Variants in CPLANE1 observed in about 807,000 individuals in gnomAD.
CPLANE1 encodes ciliogenesis and planar polarity effector complex subunit 1, also known as ciliogenesis and planar polarity effector 1.
In CPLANE1, 263 loss-of-function variants were observed where a neutral mutation model predicts 362.5. The observed-to-expected ratio is 0.73, with a 90% confidence interval of 0.66 to 0.80. The LOEUF (loss-of-function observed/expected upper bound fraction) is 0.80. CPLANE1 is among the 30% of genes least tolerant of loss of function. CPLANE1 has a pLI of 0.00. For missense variants in CPLANE1, 3,461 were observed against 3,793.4 expected (o/e 0.91, Z 2.30); for synonymous variants, 1,212 against 1,302.6 (o/e 0.93, Z 1.50).
At chr5:37,099,321 C>T in the CPLANE1 span, among the ~76,000 whole-genome samples, 1 of 152,098 alleles carries the variant, frequency 6.6e-6, no homozygotes, top group African/African-American at 2.4e-5. Context: ...CGTGTTGTTC[C>T]CCCACACCCC....
chr5:37,123,277 AG>A (rs1294965630), intron 47 of CPLANE1, among the ~76,000 whole-genome samples: 1 of 152,216 alleles, frequency 6.6e-6, no homozygotes, highest in African/African-American at 2.4e-5. Flanking sequence ...GTTACATGTG[AG>A]GTTCTTTTCA....
chr5:37,176,181 T>C (rs894713025), intron 30 of CPLANE1, 195 bp from the exon 31 acceptor site: 2 of 464,840 alleles, frequency 4.3e-6, no homozygotes, highest in South Asian at 4.1e-5. Context: ...CAAAAAAATA[T>C]GTCTGGATGA....
chr5:37,205,443 T>A lies in CPLANE1; in HGVS notation c.3161A>T (p.Lys1054Met), dbSNP rs1410870241. ...RDSNFMRSKK[K>M]SLNLPLRMTP... ...CATACGGAGTGGTAGATTCAGACTC[T>A]TTTTCTTGGACCTGAAATGACATCA... The change falls in exon 18 of 53, where the codon AAG (lysine) becomes ATG (methionine). Residue 1054 changes from lysine to methionine, a missense_variant. Coordinates refer to ENST00000651892, the MANE Select transcript of CPLANE1 (RefSeq NM_001384732.1). The A allele has an allele frequency of 6.5e-7, 1 of 1,529,212 alleles. No individual in the cohort carries two copies. Among genetic ancestry groups the A allele is most frequent in the Non-Finnish European group, 8.8e-7 (1 of 1,138,320 alleles). The allele number at this position is 1,529,212 out of a possible 1,614,324, so 94.7% of individuals were successfully genotyped here. A position where few individuals can be genotyped will look rare whatever the true frequency, so the allele number is the denominator to read the frequency against.
intron 18 of CPLANE1, among the ~76,000 whole-genome samples, chr5:37,202,906 C>T: frequency 6.6e-6 from 1 of 150,862 alleles, no homozygotes; most frequent in East Asian, 1.9e-4. Context: ...ATGTCCCTAT[C>T]TATTTTGTAT....
chr5:37,212,449 A>G, intron 16 of CPLANE1: 2 of 713,484 alleles, frequency 2.8e-6, no homozygotes, highest in South Asian at 1.4e-5. Context: ...TCCTTTGTAA[A>G]TGTTTCTCTA....
intron 12 of CPLANE1, 55 bp downstream of exon 12, chr5:37,226,249 A>G: frequency 8.1e-7 from 1 of 1,227,732 alleles, no homozygotes; most frequent in Admixed American, 3.4e-5. Context: ...CAGTTTCTAA[A>G]AAAGTAAAAA....
At chr5:37,208,205 A>G (rs1791385859) in intron 16 of CPLANE1, among the ~76,000 whole-genome samples, 1 of 152,202 alleles carries the variant, frequency 6.6e-6, no homozygotes. Flanking sequence ...CTGGCTTCCC[A>G]AAGTGCTGGG....
intron 8 of CPLANE1, among the ~76,000 whole-genome samples, 186 bp downstream of exon 8, chr5:37,238,671 T>C (rs1414436070): frequency 2.0e-5 from 3 of 151,736 alleles, no homozygotes; most frequent in Non-Finnish European, 4.4e-5. Flanking sequence ...AATTTCTTTT[T>C]ATTTTTTAGT....
intron 1 of CPLANE1, among the ~76,000 whole-genome samples, chr5:37,248,260 T>G (rs1256603131): frequency 1.3e-5 from 2 of 151,922 alleles, no homozygotes; most frequent in Non-Finnish European, 2.9e-5. Flanking sequence ...CCCGAGTAGC[T>G]GGGATTACAG....
chr5:37,146,183 C>CTT (rs142641586), intron 43 of CPLANE1, among the ~76,000 whole-genome samples: 6 of 146,580 alleles, frequency 4.1e-5, no homozygotes, highest in South Asian at 2.2e-4. Context: ...AATTAAAAAG[C>CTT]TTTTTTTTTT....
chr5:37,137,252 CATA>C (rs1461569429), intron 46 of CPLANE1, among the ~76,000 whole-genome samples: 1 of 152,202 alleles, frequency 6.6e-6, no homozygotes, highest in African/African-American at 2.4e-5. Context: ...GTTGCTAAAA[CATA>C]ATAAGAATCA....
chr5:37,227,399 A>T lies in CPLANE1; in HGVS notation c.1372-7T>A. On this transcript the variant is annotated splice_polypyrimidine_tract_variant and splice_region_variant and intron_variant, in intron 10 of 52. Coordinates refer to ENST00000651892, the MANE Select transcript of CPLANE1 (RefSeq NM_001384732.1). ...TCAGTCCTTTGCCTTTTGGCTAAAG[A>T]AGAAAAGATGAAAGATTTCCAAGAG... The T allele has an allele frequency of 6.6e-7, 1 of 1,517,846 alleles. No homozygotes were observed. Among genetic ancestry groups the T allele is most frequent in the Non-Finnish European group, 8.8e-7 (1 of 1,133,562 alleles). The allele number at this position is 1,517,846 out of a possible 1,614,324, so 94.0% of individuals were successfully genotyped here.
chr5:37,104,343 A>G (rs1431148602), downstream of CPLANE1, among the ~76,000 whole-genome samples: 2 of 152,174 alleles, frequency 1.3e-5, no homozygotes, highest in African/African-American at 4.8e-5. Flanking sequence ...CATGCCTGTA[A>G]TCCCAGCACT....
intron 18 of CPLANE1, among the ~76,000 whole-genome samples, chr5:37,202,320 G>C (rs559837485): frequency 6.6e-6 from 1 of 151,892 alleles, no homozygotes; most frequent in South Asian, 2.1e-4. Flanking sequence ...CACTATCCAG[G>C]CTAATTTTTG....
intron 50 of CPLANE1, 55 bp from the exon 51 acceptor site, chr5:37,115,104 T>C (rs541401370): frequency 1.7e-6 from 2 of 1,150,262 alleles, no homozygotes; most frequent in Non-Finnish European, 2.6e-6. Flanking sequence ...GATTTTTATA[T>C]ATATTGTGAG....
intron 44 of CPLANE1, chr5:37,141,329 T>C (rs1373029432): frequency 1.4e-5 from 14 of 985,270 alleles, no homozygotes; most frequent in Non-Finnish European, 1.4e-5. Flanking sequence ...CTGTTTAACC[T>C]CATTTGTCAA....
In CPLANE1 at chr5:37,180,137, CATT is replaced by C. The variant is rs1272714255; in HGVS notation, c.5614_5616del (p.Asn1872del). The stretch of plus-strand genomic sequence containing the variant: ...TTATGAGTGATGGAAATAATATCAT[CATT>C]GATTTCTTTTATATCAGGATTTTTT... On this transcript the variant is annotated inframe_deletion, in exon 28 of 53. Transcript: ENST00000651892. 9.1e-6 allele frequency: 14 copies of C among 1,534,018 alleles called. No homozygotes were observed.
chr5:37,235,981 T>G (rs551314952), intron 8 of CPLANE1, among the ~76,000 whole-genome samples: 1 of 151,984 alleles, frequency 6.6e-6, no homozygotes, highest in East Asian at 1.9e-4. Context: ...GTGATTCTCT[T>G]GCCTCAGCCT....
chr5:37,095,957 G>C, the CPLANE1 span, among the ~76,000 whole-genome samples: 1 of 152,164 alleles, frequency 6.6e-6, no homozygotes, highest in African/African-American at 2.4e-5. Flanking sequence ...CACATCCCAT[G>C]CTCATGGATG....
Sources: allele counts gnomAD v4.1 joint callset (sites outside exome capture counted in the v4.1 genomes callset), GRCh38; gene constraint gnomAD v4.1.1; transcripts MANE v1.5; gene names NCBI Gene and HGNC (gene_info 2026-07-23, HGNC 2026-07-21).